TMEM163: variants seen among roughly 807,000 people sequenced by gnomAD.
The protein encoded by TMEM163 is transmembrane protein 163.
Under a neutral mutation model 29.3 loss-of-function variants are expected in TMEM163, and 17 were observed. The observed-to-expected ratio is 0.58, with a 90% CI of 0.40 to 0.87. TMEM163 has a LOEUF of 0.87. Ranked by LOEUF, TMEM163 falls within the 40% of genes least tolerant of loss-of-function variation. The pLI, the probability that TMEM163 is intolerant of heterozygous loss-of-function variation, is 0.00. For synonymous variants in TMEM163, 157 were observed against 160.6 expected (o/e 0.98, Z 0.17); for missense variants, 303 against 381.5 (o/e 0.79, Z 1.71).
intron 4 of TMEM163, among the ~76,000 whole-genome samples, chr2:134,506,092 G>C (rs1406540289): frequency 6.6e-6 from 1 of 152,168 alleles, no homozygotes; most frequent in East Asian, 1.9e-4. Context: ...AGGCAGCTCT[G>C]AAATATAATG....
chr2:134,561,067 T>C (rs894211889), intron 2 of TMEM163, among the ~76,000 whole-genome samples: 3 of 152,250 alleles, frequency 2.0e-5, no homozygotes, highest in Non-Finnish European at 2.9e-5. Context: ...AAGGCACAGT[T>C]AACCAACTTT....
chr2:134,550,752 A>G, intron 3 of TMEM163, 91 bp from the exon 4 acceptor site: 1 of 1,228,846 alleles, frequency 8.1e-7, no homozygotes, highest in Non-Finnish European at 1.2e-6. Flanking sequence ...GACTCAGAAC[A>G]TCTGCATGAG....
chr2:134,619,864 C>A (rs551437214), intron 2 of TMEM163, among the ~76,000 whole-genome samples: 2 of 152,164 alleles, frequency 1.3e-5, no homozygotes, highest in Non-Finnish European at 2.9e-5. Flanking sequence ...GATCAATATA[C>A]AAATATTAAT....
At chr2:134,664,181 T>C (rs1186250649) in intron 2 of TMEM163, among the ~76,000 whole-genome samples, 3 of 152,258 alleles carry the variant, frequency 2.0e-5, no homozygotes, top group Non-Finnish European at 4.4e-5. Context: ...CTGCTTCTTG[T>C]TGCCACTTCA....
intron 5 of TMEM163, chr2:134,469,120 G>A (rs1686735030): frequency 6.6e-6 from 1 of 152,234 alleles, no homozygotes; most frequent in Non-Finnish European, 1.5e-5. Context: ...CAGGAAGCTT[G>A]TCACCGAGAA....
At chr2:134,670,376 G>A (rs553196166) in intron 2 of TMEM163, among the ~76,000 whole-genome samples, 50 of 152,344 alleles carry the variant, frequency 3.3e-4, no homozygotes, top group African/African-American at 1.1e-3. Flanking sequence ...ATGGCTAGAA[G>A]TGCATGGCCT....
At chr2:134,524,748 T>G (rs1166981733) in intron 4 of TMEM163, among the ~76,000 whole-genome samples, 1 of 150,502 alleles carries the variant, frequency 6.6e-6, no homozygotes, top group Non-Finnish European at 1.5e-5. Flanking sequence ...ATGTACCACA[T>G]TTTCTTTATC....
chr2:134,700,933 A>C (rs139035737), intron 2 of TMEM163, among the ~76,000 whole-genome samples: 3 of 82,744 alleles, frequency 3.6e-5, no homozygotes, highest in East Asian at 3.4e-4. Flanking sequence ...TAAATAAATA[A>C]ATAAATAAAT....
At chr2:134,643,058 CA>C (rs944580068) in intron 2 of TMEM163, among the ~76,000 whole-genome samples, 3 of 151,624 alleles carry the variant, frequency 2.0e-5, no homozygotes, top group Non-Finnish European at 4.4e-5. Flanking sequence ...ATAAATGAAA[CA>C]AAAAGCTGAT....
chr2:134,483,951 C>T (rs1282849214), intron 5 of TMEM163, among the ~76,000 whole-genome samples: 2 of 152,138 alleles, frequency 1.3e-5, no homozygotes, highest in Non-Finnish European at 2.9e-5. Context: ...CGAGACCAGC[C>T]TGGCCAACAT....
chr2:134,556,363 G>T (rs922211430), intron 2 of TMEM163, among the ~76,000 whole-genome samples: 1 of 152,168 alleles, frequency 6.6e-6, no homozygotes, highest in Non-Finnish European at 1.5e-5. Flanking sequence ...TAATGCGTAA[G>T]AAATGGAAAA....
At chr2:134,462,145 C>T (rs1182170073) in intron 6 of TMEM163, among the ~76,000 whole-genome samples, 1 of 139,546 alleles carries the variant, frequency 7.2e-6, no homozygotes, top group Admixed American at 6.8e-5. Flanking sequence ...GGGCGGGGGG[C>T]ATTGCCTCTG....
intron 2 of TMEM163, among the ~76,000 whole-genome samples, chr2:134,617,601 CA>C (rs780180469): frequency 0.034 from 2,490 of 72,316 alleles, 36 homozygotes; most frequent in African/African-American, 0.077. Flanking sequence ...GACCCCATCT[CA>C]AAAAAAAAAA....
In TMEM163 at chr2:134,718,980, G is replaced by T; in HGVS notation, c.-45C>A. 9.8e-7 allele frequency: 1 copy of T among 1,019,190 alleles called. No individual in the cohort carries two copies. The highest frequency in any genetic ancestry group is 1.2e-6 in the Non-Finnish European group (1 of 852,302). 63.1% of individuals were successfully genotyped at this position (1,019,190 alleles called of 1,614,324 possible). A position where few individuals can be genotyped will look rare whatever the true frequency, so the allele number is the denominator to read the frequency against. On this transcript the variant is annotated 5_prime_UTR_variant, in exon 1 of 8. Coordinates refer to ENST00000281924, the MANE Select transcript of TMEM163 (RefSeq NM_030923.5). Reference sequence around the variant, plus strand: ...CGGCGGCGGCGACGACAAGCGCGGCGGGGACTCGAGTCAGAAGTGCGAGGC... The same window carrying T: ...CGGCGGCGGCGACGACAAGCGCGGCTGGGACTCGAGTCAGAAGTGCGAGGC...
intron 4 of TMEM163, among the ~76,000 whole-genome samples, chr2:134,529,038 G>A (rs987887268): frequency 6.6e-6 from 1 of 152,198 alleles, no homozygotes; most frequent in African/African-American, 2.4e-5. Context: ...TTATAAAAAT[G>A]TGTACCAACC....
chr2:134,607,082 C>T (rs1330693067), intron 2 of TMEM163, among the ~76,000 whole-genome samples: 6 of 125,010 alleles, frequency 4.8e-5, no homozygotes, highest in South Asian at 3.3e-4. Context: ...GAGGACAGAC[C>T]CCGAGAACTG....
intron 4 of TMEM163, among the ~76,000 whole-genome samples, chr2:134,522,860 G>A (rs75115850): frequency 0.017 from 2,545 of 152,144 alleles, 79 homozygotes; most frequent in Middle Eastern, 0.14. Context: ...AACAAGGGGC[G>A]GGGGGAAAAA....
At chr2:134,577,285 C>T (rs918303728) in intron 2 of TMEM163, among the ~76,000 whole-genome samples, 5 of 152,316 alleles carry the variant, frequency 3.3e-5, no homozygotes, top group South Asian at 2.1e-4. Flanking sequence ...TAGCACACAT[C>T]GTGGCTCTTC....
chr2:134,700,902 G>A (rs1461485398), intron 2 of TMEM163, among the ~76,000 whole-genome samples: 1 of 71,492 alleles, frequency 1.4e-5, no homozygotes, highest in Non-Finnish European at 2.3e-5. Context: ...ACTCTGTCTC[G>A]AAAATACATA....
Sources: allele counts gnomAD v4.1 joint callset (sites outside exome capture counted in the v4.1 genomes callset), GRCh38; gene constraint gnomAD v4.1.1; transcripts MANE v1.5; gene names NCBI Gene and HGNC (gene_info 2026-07-23, HGNC 2026-07-21).